The following RRP8 variants were observed in gnomAD, a reference collection of about 807,000 sequenced individuals.
RRP8 encodes ribosomal RNA-processing protein 8.
Under a neutral mutation model 45.0 loss-of-function variants are expected in RRP8, and 48 were observed. That is an observed-to-expected ratio of 1.07 (90% CI 0.85 to 1.36). RRP8 has a LOEUF of 1.36. RRP8 is among the 40% of genes most tolerant of loss of function. The pLI is 0.00. For missense variants in RRP8, 658 were observed against 573.7 expected (o/e 1.15, Z -1.50); for synonymous variants, 274 against 212.4 (o/e 1.29, Z -2.52).
At position 6,602,197 on chromosome 11, in the gene RRP8, G is replaced by A. The variant is rs1854413964; in HGVS notation, c.118C>T (p.Leu40Phe). 5 of 1,563,868 alleles carry A rather than the reference G, an allele frequency of 3.2e-6. No individual in the cohort carries two copies. Among genetic ancestry groups the A allele is most frequent in the African/African-American group, 1.4e-5 (1 of 73,022 alleles). The change falls in exon 2 of 7, where the codon CTC (leucine) becomes TTC (phenylalanine). Residue 40 changes from leucine (L) to phenylalanine (F), a missense_variant. Transcript: ENST00000254605. ...TCTAGGGCCCGTAATGTGGCCAAGA[G>A]CTGGCGGCGCTTGGAGCCCTGGAGG... ...SQNKGSKRRQ[L>F]LATLRALEAA...
rs766481289 is a variant in RRP8 at position 6,601,389 on chromosome 11, G to A, written c.677C>T (p.Pro226Leu). ...PTEKTEVSPV[P>L]RTDSHEARAG... Reference sequence around the variant, plus strand: ...CCGAGCCTCATGGCTGTCTGTCCTGGGAACAGGAGACACCTCTGTCTTCTC... The same window carrying A: ...CCGAGCCTCATGGCTGTCTGTCCTGAGAACAGGAGACACCTCTGTCTTCTC... The change falls in exon 3 of 7, where the codon CCC (proline) becomes CTC (leucine). Residue 226 changes from proline (P) to leucine (L), a missense_variant. Pro to Leu is a moderately conservative substitution (Grantham distance 98, BLOSUM62 -3). Coordinates refer to ENST00000254605, the MANE Select transcript of RRP8 (RefSeq NM_015324.4). The A allele has an allele frequency of 3.7e-6, 6 of 1,614,008 alleles. No individual in the cohort carries two copies. The highest frequency in any genetic ancestry group is 1.6e-4 in the Middle Eastern group (1 of 6,084).
chr11:6,601,102 T>C (rs1854341576), intron 3 of RRP8, 47 bp from the exon 4 acceptor site: 3 of 1,613,928 alleles, frequency 1.9e-6, no homozygotes, highest in South Asian at 2.2e-5. Flanking sequence ...TCTGAGCCTA[T>C]GACTGACCCA....
At position 6,601,266 on chromosome 11, in the gene RRP8, T is replaced by C. The variant is rs1480405747; in HGVS notation, c.800A>G (p.Gln267Arg). The stretch of plus-strand genomic sequence containing the variant: ...CTCAGGGTCTTCCTGGAAGAGACGC[T>C]GTGCAGCACTGCTGGGCCCTGAGTA... ...QLYSGPSSAA[Q>R]RLFQEDPEAF... Residue 267 changes from glutamine (Q) to arginine (R), a missense_variant, in exon 3 of 7, where the codon CAG (glutamine) becomes CGG (arginine). Gln to Arg is a conservative substitution (Grantham distance 43). Coordinates refer to ENST00000254605, the MANE Select transcript of RRP8 (RefSeq NM_015324.4). 3.1e-6 allele frequency: 5 copies of C among 1,612,052 alleles called. No homozygotes were observed. The highest frequency in any genetic ancestry group is 2.7e-5 in the African/African-American group (2 of 74,938).
chr11:6,601,710 C>T (rs545019203), intron 2 of RRP8, 108 bp from the exon 3 acceptor site: 1 of 1,484,260 alleles, frequency 6.7e-7, no homozygotes, highest in South Asian at 1.3e-5. Flanking sequence ...TGACTGTGGC[C>T]TGCAGAGAAG....
chr11:6,602,143 TG>T lies in RRP8; in HGVS notation c.171del (p.Ser58AlafsTer4), dbSNP rs1564836940. On this transcript the variant is annotated frameshift_variant, in exon 2 of 7. Coordinates refer to ENST00000254605, the MANE Select transcript of RRP8 (RefSeq NM_015324.4). LOFTEE classifies it high-confidence loss of function. ...LEAASLSQHP[P>X]SLCISDSEEE... ...TCCTCAGAGTCACTTATACATAGGC[TG>T]GGGGGATGCTGGGAAAGAGATGCTG... The T allele has an allele frequency of 2.5e-6, 4 of 1,606,544 alleles. No individual in the cohort carries two copies. The highest frequency in any genetic ancestry group is 1.7e-5 in the Admixed American group (1 of 59,542).
Position 6,602,132 on chromosome 11 carries a change from T to C in RRP8, c.183A>G (p.Ile61Met). 1 of 1,610,832 alleles carries C rather than the reference T, an allele frequency of 6.2e-7. No homozygotes were observed. The highest frequency in any genetic ancestry group is 8.5e-7 in the Non-Finnish European group (1 of 1,177,710). Residue 61 changes from isoleucine (I) to methionine (M), a missense_variant, in exon 2 of 7, where the codon ATA becomes ATG. Physicochemically the swap from Ile to Met is conservative, Grantham distance 10. Coordinates refer to ENST00000254605, the MANE Select transcript of RRP8 (RefSeq NM_015324.4). The stretch of plus-strand genomic sequence containing the variant: ...CCTCCTCCTCCTCCTCAGAGTCACT[T>C]ATACATAGGCTGGGGGGATGCTGGG... ...SLSQHPPSLC[I>M]SDSEEEEEER...
Position 6,602,011 on chromosome 11 carries a change from G to C in RRP8, c.304C>G (p.Pro102Ala). ...GKKKCQKQGP[P>A]CSDSEEEVER... ...ACTTCTTCCTCAGAGTCACTGCAAG[G>C]TGGGCCCTGTTTTTGACATTTCTTC... The change falls in exon 2 of 7, where the codon CCT (proline) becomes GCT (alanine). Residue 102 changes from proline (P) to alanine (A), a missense_variant. Transcript: ENST00000254605. The C allele has an allele frequency of 6.2e-7, 1 of 1,614,068 alleles. No homozygotes were observed. Among genetic ancestry groups the C allele is most frequent in the Admixed American group, 1.7e-5 (1 of 60,028 alleles).
chr11:6,603,181 T>C (rs1434076835), intron 1 of RRP8, among the ~76,000 whole-genome samples: 1 of 152,246 alleles, frequency 6.6e-6, no homozygotes, highest in African/African-American at 2.4e-5. Context: ...CCCTTGTACG[T>C]ACTTTTTCCT....
chr11:6,597,404 G>T lies in RRP8; in HGVS notation c.*2742C>A, dbSNP rs546362425. On this transcript the variant is annotated 3_prime_UTR_variant, in exon 7 of 7. Coordinates refer to ENST00000254605, the MANE Select transcript of RRP8 (RefSeq NM_015324.4). ...AAAAAAAATCAAAGCAATCAGAAAT[G>T]AACTTCTGGGGCCCTATCAGGAACT... 5.9e-5 allele frequency: 9 copies of T among 152,134 alleles called. No homozygotes were observed. The highest frequency in any genetic ancestry group is 2.2e-4 in the African/African-American group (9 of 41,476). The allele number at this position is 152,134 out of a possible 1,614,324, so 9.4% of individuals were successfully genotyped here. A position where few individuals can be genotyped will look rare whatever the true frequency, so the allele number is the denominator to read the frequency against.
In RRP8 at chr11:6,600,941, C is replaced by A. The variant is rs1003304107; in HGVS notation, c.1032G>T (p.Val344=). The part of the protein sequence containing the change: ...DLASLDPRVT[V]CDMAQVPLED... Reference sequence around the variant, plus strand: ...AGGGGTTTACCTGGGCCATGTCACACACAGTGACCCTAGGGTCCAGAGAAG... The same window carrying A: ...AGGGGTTTACCTGGGCCATGTCACAAACAGTGACCCTAGGGTCCAGAGAAG... Residue 344 remains valine, a synonymous_variant, in exon 4 of 7, where the codon GTG becomes GTT. Transcript: ENST00000254605. The A allele has an allele frequency of 6.8e-6, 11 of 1,614,152 alleles. No homozygotes were observed. The highest frequency in any genetic ancestry group is 9.3e-6 in the Non-Finnish European group (11 of 1,180,008).
rs148258994 is a variant in RRP8, at chr11:6,596,226, G to C, written c.*3920C>G. ...CAAAGGTAATAGTGGTATGAATTCA[G>C]GAAGATGAAAATGAGCTCACTGGGG... On this transcript the variant is annotated 3_prime_UTR_variant, in exon 7 of 7. Coordinates refer to ENST00000254605, the MANE Select transcript of RRP8 (RefSeq NM_015324.4). The C allele has an allele frequency of 1.5e-4, 23 of 152,366 alleles. No homozygotes were observed. The highest frequency in any genetic ancestry group is 5.3e-4 in the African/African-American group (22 of 41,586). The allele number at this position is 152,366 out of a possible 1,614,324, so 9.4% of individuals were successfully genotyped here. A position where few individuals can be genotyped will look rare whatever the true frequency, so the allele number is the denominator to read the frequency against.
intron 3 of RRP8, 40 bp downstream of exon 3, chr11:6,601,109 C>A: frequency 6.2e-7 from 1 of 1,613,862 alleles, no homozygotes; most frequent in Non-Finnish European, 8.5e-7. Flanking sequence ...CTATGACTGA[C>A]CCACCACATG....
In RRP8 at chr11:6,603,391, G is replaced by C. The variant is rs537405034; in HGVS notation, c.99+13C>G. On this transcript the variant is annotated intron_variant, in intron 1 of 6. Transcript: ENST00000254605. Reference sequence around the variant, plus strand: ...GCCTGAAACAGCTCCCATTGCTCCCGCGAGTCACTCACCTTGTTTTGCGAG... The same window carrying C: ...GCCTGAAACAGCTCCCATTGCTCCCCCGAGTCACTCACCTTGTTTTGCGAG... 3 of 1,584,812 alleles carry C rather than the reference G, an allele frequency of 1.9e-6. No individual in the cohort carries two copies. The East Asian group carries it at 6.9e-5, about 36-fold the overall frequency.
intron 1 of RRP8, 73 bp downstream of exon 1, chr11:6,603,331 A>C: frequency 8.9e-7 from 1 of 1,123,670 alleles, no homozygotes; most frequent in Non-Finnish European, 1.3e-6. Context: ...CCCGCAATAC[A>C]CACAGCGCTG....
chr11:6,600,853 G>A, intron 4 of RRP8, 73 bp downstream of exon 4: 2 of 1,611,352 alleles, frequency 1.2e-6, no homozygotes, highest in Non-Finnish European at 1.7e-6. Flanking sequence ...GGATGGGAAA[G>A]GGGAAGGAAG....
chr11:6,601,022 A>G lies in RRP8; in HGVS notation c.951T>C (p.Cys317=). ...PASLVVADFG[C]GDCRLASSIR... is the part of the protein sequence containing the mutation. ...TACTTGAAGCCAAGCGGCAATCCCC[A>G]CAGCCGAAGTCAGCCACCACTAGGG... Residue 317 remains cysteine (C), a synonymous_variant, in exon 4 of 7, where the codon TGT becomes TGC. Coordinates refer to ENST00000254605, the MANE Select transcript of RRP8 (RefSeq NM_015324.4). 3 of 1,614,208 alleles carry G rather than the reference A, an allele frequency of 1.9e-6. No individual in the cohort carries two copies. The highest frequency in any genetic ancestry group is 2.2e-5 in the East Asian group (1 of 44,882).
rs193168898 is a variant in RRP8, at chr11:6,600,270, G to A, written c.1252-5C>T. 3.9e-5 allele frequency: 62 copies of A among 1,571,632 alleles called. No individual in the cohort carries two copies. In the African/African-American group the frequency reaches 7.4e-4, roughly 19 times the overall value. On this transcript the variant is annotated splice_region_variant and splice_polypyrimidine_tract_variant and intron_variant, in intron 6 of 6. Coordinates refer to ENST00000254605, the MANE Select transcript of RRP8 (RefSeq NM_015324.4). ...GAAATGGCTGTTGGTCAGGTCCTAG[G>A]GGCAGAAAAGACCCAGTGAGAACCA...
At position 6,601,436 on chromosome 11, in the gene RRP8, C is replaced by T; in HGVS notation, c.630G>A (p.Gln210=). The part of the protein sequence containing the change: ...NKFQPPQVPD[Q]APAEAPTEKT... ...TCTCTGTGGGGGCCTCAGCTGGGGCCTGGTCTGGCACCTGAGGTGGCTGAA... is the reference window on the plus strand; with the variant it reads ...TCTCTGTGGGGGCCTCAGCTGGGGCTTGGTCTGGCACCTGAGGTGGCTGAA... The change falls in exon 3 of 7, where the codon CAG becomes CAA. Residue 210 remains glutamine (Q), a synonymous_variant. Coordinates refer to ENST00000254605, the MANE Select transcript of RRP8 (RefSeq NM_015324.4). The T allele has an allele frequency of 1.2e-6, 2 of 1,614,152 alleles. No individual in the cohort carries two copies. The highest frequency in any genetic ancestry group is 1.7e-6 in the Non-Finnish European group (2 of 1,180,032).
At position 6,602,187 on chromosome 11, in the gene RRP8, G is replaced by A. The variant is rs1472363052; in HGVS notation, c.128C>T (p.Thr43Ile). The change falls in exon 2 of 7, where the codon ACA becomes ATA. Residue 43 changes from threonine to isoleucine, a missense_variant. Thr to Ile is a moderately conservative substitution (Grantham distance 89, BLOSUM62 -1). Transcript: ENST00000254605. ...KGSKRRQLLATLRALEAASLS... is the reference protein window; with the variant it reads ...KGSKRRQLLAILRALEAASLS... ...AGATGCTGCCTCTAGGGCCCGTAATGTGGCCAAGAGCTGGCGGCGCTTGGA... is the reference window on the plus strand; with the variant it reads ...AGATGCTGCCTCTAGGGCCCGTAATATGGCCAAGAGCTGGCGGCGCTTGGA... 4 of 1,578,764 alleles carry A rather than the reference G, an allele frequency of 2.5e-6. No individual in the cohort carries two copies. Among genetic ancestry groups the A allele is most frequent in the Non-Finnish European group, 3.4e-6 (4 of 1,163,864 alleles).
Sources: gnomAD v4.1 joint callset for allele counts (sites outside exome capture counted in the v4.1 genomes callset) on GRCh38, gnomAD v4.1.1 for gene constraint, MANE v1.5 for transcripts, NCBI Gene and HGNC (gene_info 2026-07-23, HGNC 2026-07-21) for gene names.